AGPAT5: variants seen among roughly 807,000 people sequenced by gnomAD.
The protein encoded by AGPAT5 is 1-acylglycerol-3-phosphate O-acyltransferase 5, also known as 1-acyl-sn-glycerol-3-phosphate acyltransferase epsilon.
In AGPAT5, 46 loss-of-function variants were observed where a neutral mutation model predicts 45.6. The ratio of observed to expected loss-of-function variants is 1.01; its 90% confidence interval spans 0.80 to 1.29. The LOEUF (loss-of-function observed/expected upper bound fraction) is 1.29, where lower values mean the gene tolerates loss of function less well. Among genes scored for constraint, AGPAT5 ranks in the 50% most tolerant of loss-of-function variants. The pLI is 0.00. For synonymous variants in AGPAT5, 272 were observed against 167.0 expected (o/e 1.63, Z -4.85); for missense variants, 673 against 450.7 (o/e 1.49, Z -4.47).
At chr8:6,732,978 C>G (rs560838751) in intron 4 of AGPAT5, among the ~76,000 whole-genome samples, 1 of 152,290 alleles carries the variant, frequency 6.6e-6, no homozygotes, top group African/African-American at 2.4e-5. Flanking sequence ...CATCTTACTT[C>G]TTGTCTTCTT....
chr8:6,730,228 C>CA (rs374337325), intron 2 of AGPAT5, among the ~76,000 whole-genome samples: 211 of 109,670 alleles, frequency 1.9e-3, no homozygotes, highest in Middle Eastern at 5.3e-3. Context: ...TCAAGAAATG[C>CA]AAAAAAAAAA....
intron 1 of AGPAT5, among the ~76,000 whole-genome samples, chr8:6,718,197 G>C (rs1008494631): frequency 2.0e-5 from 3 of 152,210 alleles, no homozygotes; most frequent in Admixed American, 6.5e-5. Flanking sequence ...AGTACCAAAA[G>C]ACACATGCAT....
intron 2 of AGPAT5, among the ~76,000 whole-genome samples, chr8:6,727,677 T>C (rs1800733592): frequency 6.6e-6 from 1 of 152,214 alleles, no homozygotes; most frequent in Admixed American, 6.5e-5. Flanking sequence ...CACTGTGCCC[T>C]GCCTGCTATT....
chr8:6,750,460 A>G (rs975014164), intron 6 of AGPAT5, among the ~76,000 whole-genome samples: 1 of 152,264 alleles, frequency 6.6e-6, no homozygotes, highest in African/African-American at 2.4e-5. Flanking sequence ...ATAAAATCTT[A>G]TCACTTCAGT....
chr8:6,708,705 C>T lies in AGPAT5; in HGVS notation c.37C>T (p.Arg13Cys). 4 of 1,604,952 alleles carry T rather than the reference C, an allele frequency of 2.5e-6. No individual in the cohort carries two copies. Among genetic ancestry groups the T allele is most frequent in the Non-Finnish European group, 3.4e-6 (4 of 1,179,456 alleles). ...LSLVLHTYSM[R>C]YLLPSVVLLG... is the part of the protein sequence containing the mutation. Reference sequence around the variant, plus strand: ...CCTGGTGCTCCACACGTACTCCATGCGCTACCTGCTGCCCAGCGTCGTGCT... The same window carrying T: ...CCTGGTGCTCCACACGTACTCCATGTGCTACCTGCTGCCCAGCGTCGTGCT... Residue 13 changes from arginine (R) to cysteine (C), a missense_variant, in exon 1 of 8, where the codon CGC becomes TGC. Arg to Cys is a radical substitution (Grantham distance 180). Coordinates refer to ENST00000285518, the MANE Select transcript of AGPAT5 (RefSeq NM_018361.5).
At chr8:6,755,466 T>C (rs1801804018) in intron 7 of AGPAT5, among the ~76,000 whole-genome samples, 3 of 152,114 alleles carry the variant, frequency 2.0e-5, no homozygotes, top group Non-Finnish European at 1.5e-5. Context: ...AAAAAAACTT[T>C]CCAGTGTCAG....
At chr8:6,734,851 C>G (rs1190454956) in intron 4 of AGPAT5, among the ~76,000 whole-genome samples, 4 of 152,054 alleles carry the variant, frequency 2.6e-5, no homozygotes, top group Non-Finnish European at 5.9e-5. Flanking sequence ...CTTCAGGTTT[C>G]TGTAGAACTC....
chr8:6,756,109 T>C lies in AGPAT5; in HGVS notation c.869+935T>C, dbSNP rs371495562. Among the ~76,000 whole-genome samples, 276 of 152,382 alleles carry C rather than the reference T, an allele frequency of 1.8e-3. 9 individuals are homozygous for C. In the South Asian group the frequency reaches 0.053, roughly 30 times the overall value. On this transcript the variant is annotated intron_variant, in intron 7 of 7. Transcript: ENST00000285518. Reference sequence around the variant, plus strand: ...AAGCAATAGAAGCGCTTTCCCTTTCTGTTTGTGTTTTAGATTATTATATCG... The same window carrying C: ...AAGCAATAGAAGCGCTTTCCCTTTCCGTTTGTGTTTTAGATTATTATATCG...
chr8:6,753,984 G>A (rs1034361201), intron 6 of AGPAT5, among the ~76,000 whole-genome samples: 5 of 152,254 alleles, frequency 3.3e-5, no homozygotes, highest in South Asian at 2.1e-4. Context: ...TTCCTCGGAC[G>A]GTGGAGTGTA....
rs745967697 is a variant in AGPAT5 at position 6,708,806 on chromosome 8, C to G, written c.138C>G (p.Phe46Leu). The change falls in exon 1 of 8, where the codon TTC becomes TTG. Residue 46 changes from phenylalanine to leucine, a missense_variant. Physicochemically the swap from Phe to Leu is conservative, Grantham distance 22. Transcript: ENST00000285518. Reference protein sequence around the residue: ...RLLSAFLPARFYQALDDRLYC... With the variant: ...RLLSAFLPARLYQALDDRLYC... The stretch of plus-strand genomic sequence containing the variant: ...TCTCCGCCTTCCTGCCCGCCCGCTT[C>G]TACCAAGCGCTGGACGACCGGCTCT... 6.2e-7 allele frequency: 1 copy of G among 1,611,320 alleles called. No homozygotes were observed. The highest frequency in any genetic ancestry group is 1.1e-5 in the South Asian group (1 of 90,986).
intron 4 of AGPAT5, among the ~76,000 whole-genome samples, chr8:6,733,661 G>A (rs1338432223): frequency 6.6e-6 from 1 of 152,196 alleles, no homozygotes; most frequent in Non-Finnish European, 1.5e-5. Flanking sequence ...GTCATTGCAT[G>A]TAGGTCTCCA....
intron 2 of AGPAT5, among the ~76,000 whole-genome samples, chr8:6,727,683 C>G (rs1800733816): frequency 6.6e-6 from 1 of 152,172 alleles, no homozygotes; most frequent in African/African-American, 2.4e-5. Flanking sequence ...GCCCTGCCTG[C>G]TATTTGCCTT....
Position 6,708,761 on chromosome 8 carries a change from C to T in AGPAT5, c.93C>T (p.Ala31=). 6.2e-7 allele frequency: 1 copy of T among 1,608,664 alleles called. No individual in the cohort carries two copies. Among genetic ancestry groups the T allele is most frequent in the Non-Finnish European group, 8.5e-7 (1 of 1,179,656 alleles). The change falls in exon 1 of 8, where the codon GCC becomes GCT. Residue 31 remains alanine, a synonymous_variant. Coordinates refer to ENST00000285518, the MANE Select transcript of AGPAT5 (RefSeq NM_018361.5). ...LLGTAPTYVL[A]WGVWRLLSAF... ...GCACGGCGCCCACCTACGTGTTGGC[C>T]TGGGGGGTCTGGCGGCTGCTCTCCG...
At chr8:6,722,254 G>C (rs1800526904) in intron 1 of AGPAT5, among the ~76,000 whole-genome samples, 1 of 152,152 alleles carries the variant, frequency 6.6e-6, no homozygotes, top group South Asian at 2.1e-4. Context: ...GGCAGTTAGG[G>C]GAAGGGCAGA....
intron 1 of AGPAT5, among the ~76,000 whole-genome samples, chr8:6,723,974 A>C (rs985020134): frequency 6.6e-6 from 1 of 152,238 alleles, no homozygotes; most frequent in African/African-American, 2.4e-5. Flanking sequence ...AGAAACAAAA[A>C]TGCCCAGAAT....
chr8:6,743,458 A>T lies in AGPAT5; in HGVS notation c.586+1707A>T, dbSNP rs144757322. On this transcript the variant is annotated intron_variant, in intron 5 of 7. Coordinates refer to ENST00000285518, the MANE Select transcript of AGPAT5 (RefSeq NM_018361.5). ...TTTATCCTTCCATGCATACACTCATATTTCTTGTCTTGGTAACTCCATCAT... is the reference window on the plus strand; with the variant it reads ...TTTATCCTTCCATGCATACACTCATTTTTCTTGTCTTGGTAACTCCATCAT... Among the ~76,000 whole-genome samples, 763 of 152,282 alleles carry T rather than the reference A, an allele frequency of 5.0e-3. 2 individuals are homozygous for T. The highest frequency in any genetic ancestry group is 0.018 in the African/African-American group (739 of 41,544).
intron 4 of AGPAT5, among the ~76,000 whole-genome samples, chr8:6,735,257 A>G (rs1015632042): frequency 3.9e-5 from 6 of 152,088 alleles, no homozygotes; most frequent in Non-Finnish European, 7.4e-5. Context: ...CTGCTGTTCC[A>G]TAGGAAAGGT....
rs532731784 is a variant in AGPAT5 at position 6,732,691 on chromosome 8, G to A, written c.495+41G>A. 1.3e-5 allele frequency: 19 copies of A among 1,452,214 alleles called. 1 individual carries two copies. In the South Asian group the frequency reaches 1.9e-4, roughly 15 times the overall value. 90.0% of individuals were successfully genotyped at this position (1,452,214 alleles called of 1,614,324 possible). On this transcript the variant is annotated intron_variant, in intron 4 of 7. Coordinates refer to ENST00000285518, the MANE Select transcript of AGPAT5 (RefSeq NM_018361.5). Reference sequence around the variant, plus strand: ...TTTTTATTTTTCTTACCAGCTCTCAGTTTCTAAATTTAAGAATTAAATTAA... The same window carrying A: ...TTTTTATTTTTCTTACCAGCTCTCAATTTCTAAATTTAAGAATTAAATTAA...
chr8:6,752,168 A>G (rs1801678089), intron 6 of AGPAT5, among the ~76,000 whole-genome samples: 1 of 152,100 alleles, frequency 6.6e-6, no homozygotes, highest in Non-Finnish European at 1.5e-5. Context: ...CAGAGCAAGA[A>G]TCCGCCTAAA....
Sources: gnomAD v4.1 joint callset for allele counts (sites outside exome capture counted in the v4.1 genomes callset) on GRCh38, gnomAD v4.1.1 for gene constraint, MANE v1.5 for transcripts, NCBI Gene and HGNC (gene_info 2026-07-23, HGNC 2026-07-21) for gene names.